CNBD1: variants seen among roughly 807,000 people sequenced by gnomAD.
The protein encoded by CNBD1 is cyclic nucleotide binding domain containing 1.
A neutral mutation model predicts 54.4 loss-of-function variants in CNBD1; 71 were observed. That is an observed-to-expected ratio of 1.30 (90% CI 1.08 to 1.59). The LOEUF (loss-of-function observed/expected upper bound fraction) is 1.59, where lower values mean the gene tolerates loss of function less well. CNBD1 is among the 40% of genes most tolerant of loss of function. The pLI is 0.00. For synonymous variants in CNBD1, 182 were observed against 170.7 expected (o/e 1.07, Z -0.51); for missense variants, 659 against 518.0 (o/e 1.27, Z -2.64).
intron 10 of CNBD1, among the ~76,000 whole-genome samples, chr8:87,364,848 T>C (rs958073859): frequency 6.6e-6 from 1 of 152,166 alleles, no homozygotes; most frequent in Non-Finnish European, 1.5e-5. Context: ...CTGCATAGTA[T>C]TCCATGGTGT....
chr8:87,011,464 G>T (rs1809220467), intron 4 of CNBD1, among the ~76,000 whole-genome samples: 1 of 151,900 alleles, frequency 6.6e-6, no homozygotes, highest in Non-Finnish European at 1.5e-5. Context: ...ATTTGTTCTT[G>T]TTGAAAAATC....
intron 8 of CNBD1, among the ~76,000 whole-genome samples, chr8:87,306,905 A>G (rs947324753): frequency 1.3e-5 from 2 of 152,282 alleles, no homozygotes; most frequent in Middle Eastern, 3.4e-3. Context: ...CAAATAATTT[A>G]CGGAAAATAA....
intron 3 of CNBD1, among the ~76,000 whole-genome samples, chr8:86,914,681 G>C (rs1809155448): frequency 6.6e-6 from 1 of 152,034 alleles, no homozygotes; most frequent in South Asian, 2.1e-4. Flanking sequence ...TTTGTAAAGA[G>C]TTAAAAGCAA....
At chr8:86,998,383 A>G (rs1176665387) in intron 4 of CNBD1, among the ~76,000 whole-genome samples, 1 of 152,132 alleles carries the variant, frequency 6.6e-6, no homozygotes, top group East Asian at 1.9e-4. Flanking sequence ...TGCTAGGGCC[A>G]TTTTTACACG....
intron 2 of CNBD1, among the ~76,000 whole-genome samples, chr8:87,392,682 A>G (rs1235015991): frequency 2.0e-5 from 3 of 151,950 alleles, no homozygotes; most frequent in Non-Finnish European, 2.9e-5. Context: ...TGGCTACTAA[A>G]TCATATGTGT....
Position 87,163,026 on chromosome 8 carries a change from T to G in CNBD1, c.432-42967T>G, listed in dbSNP as rs1484718218. Among the ~76,000 whole-genome samples, 2 of 151,998 alleles carry G rather than the reference T, an allele frequency of 1.3e-5. No homozygotes were observed. The highest frequency in any genetic ancestry group is 2.4e-5 in the African/African-American group (1 of 41,416). On this transcript the variant is annotated intron_variant, in intron 4 of 10. Coordinates refer to ENST00000518476, the MANE Select transcript of CNBD1 (RefSeq NM_173538.3). This position sits in a 1 kb window ranked among gnomAD's most constrained non-coding sequence, Gnocchi z 4.5. The stretch of plus-strand genomic sequence containing the variant: ...ATTCCTGTCCTCCAAAAGATGTAGC[T>G]TTCAAAGCACCATTTTGGGGGCAGA...
intron 1 of CNBD1, among the ~76,000 whole-genome samples, chr8:86,872,284 G>T (rs1338113584): frequency 6.6e-6 from 1 of 152,074 alleles, no homozygotes; most frequent in Non-Finnish European, 1.5e-5. Flanking sequence ...TATCATTTCA[G>T]TTCTTCAGAG....
Position 86,937,191 on chromosome 8 carries a change from TAGG to T in CNBD1, c.273-2402_273-2400del, listed in dbSNP as rs1455022296. Among the ~76,000 whole-genome samples the T allele has an allele frequency of 3.3e-5, 5 of 152,266 alleles. No homozygotes were observed. In the South Asian group the frequency reaches 6.2e-4, roughly 19 times the overall value. On this transcript the variant is annotated intron_variant, in intron 3 of 10. Coordinates refer to ENST00000518476, the MANE Select transcript of CNBD1 (RefSeq NM_173538.3). The stretch of plus-strand genomic sequence containing the variant: ...GCAGCAGGCAAAGACAGAACTTGTG[TAGG>T]AGAACTGTCCTTTATAAAACCATCA...
intron 2 of CNBD1, among the ~76,000 whole-genome samples, chr8:87,403,701 C>T (rs1807605283): frequency 6.6e-6 from 1 of 151,818 alleles, no homozygotes; most frequent in Non-Finnish European, 1.5e-5. Context: ...TTTACGACAA[C>T]AGTTACTACT....
intron 6 of CNBD1, among the ~76,000 whole-genome samples, chr8:87,274,121 T>C (rs1421543895): frequency 3.3e-5 from 5 of 152,014 alleles, no homozygotes; most frequent in African/African-American, 1.2e-4. Context: ...TATGGCTGCA[T>C]AGTATTCCAT....
intron 4 of CNBD1, among the ~76,000 whole-genome samples, chr8:86,963,509 G>A (rs1007365775): frequency 6.6e-6 from 1 of 152,122 alleles, no homozygotes; most frequent in Admixed American, 6.6e-5. Flanking sequence ...TTGCCAAATT[G>A]CAGCTAGCAA....
In CNBD1 at chr8:87,334,719, C is replaced by CTTTTTT. The variant is rs758083191; in HGVS notation, c.1043-16962_1043-16961insTTTTTT. Among the ~76,000 whole-genome samples the CTTTTTT allele has an allele frequency of 5.5e-5, 7 of 126,154 alleles. 1 individual carries two copies. Among genetic ancestry groups the CTTTTTT allele is most frequent in the Admixed American group, 7.5e-5 (1 of 13,286 alleles). 82.8% of individuals were successfully genotyped at this position (126,154 alleles called of 152,430 possible). A position where few individuals can be genotyped will look rare whatever the true frequency, so the allele number is the denominator to read the frequency against. On this transcript the variant is annotated intron_variant, in intron 8 of 10. Transcript: ENST00000518476. ...TCTTTTTTCTTTTCTTTTCTTTTTT[C>CTTTTTT]TTTTCTTTTTTTTTTTTTAAGATGG...
At chr8:87,117,735 A>G (rs933234029) in intron 4 of CNBD1, among the ~76,000 whole-genome samples, 1 of 152,028 alleles carries the variant, frequency 6.6e-6, no homozygotes, top group Non-Finnish European at 1.5e-5. Context: ...CAGCTAGCTA[A>G]AAGAATACAG....
At chr8:86,993,567 A>G (rs1808800006) in intron 4 of CNBD1, among the ~76,000 whole-genome samples, 1 of 152,204 alleles carries the variant, frequency 6.6e-6, no homozygotes, top group Non-Finnish European at 1.5e-5. Flanking sequence ...TGCTGCTTAT[A>G]GCTCATCTGA....
chr8:87,353,960 A>T (rs1810363051), intron 10 of CNBD1, 174 bp downstream of exon 10: 1 of 488,486 alleles, frequency 2.0e-6, no homozygotes, highest in Admixed American at 4.0e-5. Context: ...GTGAATTTTG[A>T]AAAGGGCACA....
At chr8:87,235,393 T>G (rs950640450) in intron 5 of CNBD1, among the ~76,000 whole-genome samples, 1 of 152,160 alleles carries the variant, frequency 6.6e-6, no homozygotes, top group Non-Finnish European at 1.5e-5. Context: ...TTCTAGCTGT[T>G]GATTCAAAGT....
At chr8:87,372,158 A>G (rs776342517) in intron 10 of CNBD1, among the ~76,000 whole-genome samples, 1 of 152,092 alleles carries the variant, frequency 6.6e-6, no homozygotes. Flanking sequence ...TACAAAATCA[A>G]TGTACAAAAA....
intron 4 of CNBD1, among the ~76,000 whole-genome samples, chr8:87,036,290 T>C (rs1399828664): frequency 6.6e-6 from 1 of 152,160 alleles, no homozygotes; most frequent in African/African-American, 2.4e-5. Flanking sequence ...CACTATTATT[T>C]TTACAGAGTA....
At chr8:87,040,660 G>A (rs1467166207) in intron 4 of CNBD1, among the ~76,000 whole-genome samples, 5 of 151,566 alleles carry the variant, frequency 3.3e-5, no homozygotes, top group East Asian at 1.9e-4. Context: ...TCCTGACCTC[G>A]TGATCCACCC....
Sources: gnomAD v4.1 joint callset for allele counts (sites outside exome capture counted in the v4.1 genomes callset) on GRCh38, gnomAD v4.1.1 for gene constraint, Gnocchi (gnomAD v3.1) non-coding constraint, MANE v1.5 for transcripts, NCBI Gene and HGNC (gene_info 2026-07-23, HGNC 2026-07-21) for gene names.